Variants in KRR1 observed in about 807,000 individuals in gnomAD.
KRR1 encodes the protein KRR1 small subunit processome component, also known as KRR1 small subunit processome component homolog.
KRR1 carries 23 observed loss-of-function variants against 50.0 expected under a neutral mutation model. That is an observed-to-expected ratio of 0.46 (90% CI 0.33 to 0.65). KRR1 has a LOEUF of 0.65. Ranked by LOEUF, KRR1 falls within the 30% of genes least tolerant of loss-of-function variation. The probability of loss-of-function intolerance (pLI) is 0.02; values close to 1 mark genes in which losing one functional copy is unlikely to be tolerated. For synonymous variants in KRR1, 133 were observed against 146.3 expected (o/e 0.91, Z 0.66); for missense variants, 419 against 442.4 (o/e 0.95, Z 0.47).
chr12:75,502,862 C>CA (rs2046404140), intron 7 of KRR1: 1 of 152,002 alleles, frequency 6.6e-6, no homozygotes, highest in Non-Finnish European at 1.5e-5. Context: ...ATGACTGCAT[C>CA]ACTCCACTTT....
chr12:75,501,674 G>C, intron 9 of KRR1, 49 bp downstream of exon 9: 1 of 1,214,938 alleles, frequency 8.2e-7, no homozygotes. Context: ...TTTATTATGG[G>C]TTTACTTTTC....
At position 75,498,188 on chromosome 12, in the gene KRR1, T is replaced by C. The variant is rs1271685261; in HGVS notation, c.*1621A>G. The C allele has an allele frequency of 2.0e-5, 3 of 152,272 alleles. No homozygotes were observed. Among genetic ancestry groups the C allele is most frequent in the Non-Finnish European group, 4.4e-5 (3 of 68,162 alleles). 9.4% of individuals were successfully genotyped at this position (152,272 alleles called of 1,614,324 possible). A position where few individuals can be genotyped will look rare whatever the true frequency, so the allele number is the denominator to read the frequency against. ...TTCCCAGTGCTCTGATTGTCAAAAT[T>C]TGAATAAAGCTCAGTGAAAGGAGGA... On this transcript the variant is annotated 3_prime_UTR_variant, in exon 10 of 10. Coordinates refer to ENST00000229214, the MANE Select transcript of KRR1 (RefSeq NM_007043.7).
chr12:75,508,314 T>C lies in KRR1; in HGVS notation c.218A>G (p.Lys73Arg). The C allele has an allele frequency of 6.2e-7, 1 of 1,613,452 alleles. No individual in the cohort carries two copies. The highest frequency in any genetic ancestry group is 1.1e-5 in the South Asian group (1 of 91,030). ...TTTCTGCACCAATGGCCAACACTCT[T>C]TCAAGTAAGCTTCCCTGTATTTTGG... ...LFPKYREAYL[K>R]ECWPLVQKAL... The change falls in exon 2 of 10, where the codon AAA becomes AGA. Residue 73 changes from lysine to arginine, a missense_variant. Transcript: ENST00000229214.
Position 75,494,828 on chromosome 12 carries a change from G to A in KRR1, c.*4981C>T, listed in dbSNP as rs1594061040. The A allele has an allele frequency of 6.6e-6, 1 of 152,292 alleles. No individual in the cohort carries two copies. Among genetic ancestry groups the A allele is most frequent in the East Asian group, 1.9e-4 (1 of 5,178 alleles). 9.4% of individuals were successfully genotyped at this position (152,292 alleles called of 1,614,324 possible). A position where few individuals can be genotyped will look rare whatever the true frequency, so the allele number is the denominator to read the frequency against. ...GATATTATTTCACTTTCTAGTCTGT[G>A]ACCTTGGTCAATTACTTATACTCTG... On this transcript the variant is annotated 3_prime_UTR_variant, in exon 10 of 10. Coordinates refer to ENST00000229214, the MANE Select transcript of KRR1 (RefSeq NM_007043.7).
chr12:75,503,807 AT>A, intron 7 of KRR1, 96 bp downstream of exon 7: 1 of 1,066,372 alleles, frequency 9.4e-7, no homozygotes, highest in Non-Finnish European at 1.4e-6. Flanking sequence ...ATATATATAT[AT>A]ACACATATCC....
At position 75,499,849 on chromosome 12, in the gene KRR1, T is replaced by C. The variant is rs1201385452; in HGVS notation, c.1106A>G (p.Lys369Arg). Residue 369 changes from lysine (K) to arginine (R), a missense_variant, in exon 10 of 10, where the codon AAG becomes AGG. Physicochemically the swap from Lys to Arg is conservative, Grantham distance 26. Coordinates refer to ENST00000229214, the MANE Select transcript of KRR1 (RefSeq NM_007043.7). ...CTTTTTCTTTTCATCTGCCTCCATC[T>C]TAAGTGCAATTTCTTCAGCTGTAAG... ...GALTAEEIAL[K>R]MEADEKKKKK... 2.5e-6 allele frequency: 4 copies of C among 1,607,904 alleles called. No individual in the cohort carries two copies. Among genetic ancestry groups the C allele is most frequent in the Non-Finnish European group, 2.5e-6 (3 of 1,177,580 alleles).
chr12:75,508,483 CTG>C, intron 1 of KRR1, 37 bp from the exon 2 acceptor site: 3 of 1,518,434 alleles, frequency 2.0e-6, no homozygotes, highest in Non-Finnish European at 2.7e-6. Context: ...CACATTTTAA[CTG>C]TCTTTTGGAC....
chr12:75,502,485 C>A (rs1197908999), intron 7 of KRR1: 1 of 153,430 alleles, frequency 6.5e-6, no homozygotes, highest in Non-Finnish European at 1.5e-5. Context: ...GACTAATTAG[C>A]AAAAGCAACA....
In KRR1 at chr12:75,498,031, C is replaced by G. The variant is rs1204701180; in HGVS notation, c.*1778G>C. ...AAGACCAGGGATGCTCACCAGTACC[C>G]AGAGGACCAGATGATTGATGGGTTC... On this transcript the variant is annotated 3_prime_UTR_variant, in exon 10 of 10. Coordinates refer to ENST00000229214, the MANE Select transcript of KRR1 (RefSeq NM_007043.7). 1 of 152,222 alleles carries G rather than the reference C, an allele frequency of 6.6e-6. No homozygotes were observed. Among genetic ancestry groups the G allele is most frequent in the Non-Finnish European group, 1.5e-5 (1 of 68,082 alleles). The allele number at this position is 152,222 out of a possible 1,614,324, so 9.4% of individuals were successfully genotyped here.
chr12:75,505,495 A>T (rs998201962), intron 5 of KRR1, among the ~76,000 whole-genome samples: 1 of 151,878 alleles, frequency 6.6e-6, no homozygotes, highest in Non-Finnish European at 1.5e-5. Context: ...CTAATACAAC[A>T]CTCTAAAGCA....
rs1303182686 is a variant in KRR1, at chr12:75,491,703, T to C, written c.*8106A>G. The stretch of plus-strand genomic sequence containing the variant: ...TTGCATCTCTGTGATTACTAGTAAT[T>C]ATAAATTTCTTCACATAATTGTCTA... On this transcript the variant is annotated 3_prime_UTR_variant, in exon 10 of 10. Coordinates refer to ENST00000229214, the MANE Select transcript of KRR1 (RefSeq NM_007043.7). The C allele has an allele frequency of 1.3e-5, 2 of 152,218 alleles. No individual in the cohort carries two copies. The highest frequency in any genetic ancestry group is 2.9e-5 in the Non-Finnish European group (2 of 68,040). 9.4% of individuals were successfully genotyped at this position (152,218 alleles called of 1,614,324 possible).
chr12:75,508,875 G>A (rs2046434304), intron 1 of KRR1, among the ~76,000 whole-genome samples: 1 of 152,178 alleles, frequency 6.6e-6, no homozygotes, highest in Non-Finnish European at 1.5e-5. Flanking sequence ...GAATCTGGAT[G>A]TATGTGTTTG....
rs199735826 is a variant in KRR1 at position 75,506,306 on chromosome 12, T to A, written c.603+10A>T. The A allele has an allele frequency of 5.2e-5, 80 of 1,541,134 alleles. 1 individual carries two copies. The South Asian group carries it at 8.3e-4, about 16-fold the overall frequency. On this transcript the variant is annotated intron_variant, in intron 5 of 9. Transcript: ENST00000229214. ...CTGAAAATGAATCGAAGATAATACATAGTTCTCACCTCTTTTAAGCCACTA... is the reference window on the plus strand; with the variant it reads ...CTGAAAATGAATCGAAGATAATACAAAGTTCTCACCTCTTTTAAGCCACTA...
At chr12:75,508,614 T>C (rs974018918) in intron 1 of KRR1, among the ~76,000 whole-genome samples, 168 bp from the exon 2 acceptor site, 1 of 152,164 alleles carries the variant, frequency 6.6e-6, no homozygotes, top group Admixed American at 6.5e-5. Flanking sequence ...TATTCAAGAG[T>C]CAAAGAACGT....
Position 75,511,593 on chromosome 12 carries a change from G to A in KRR1, c.5C>T (p.Ala2Val), listed in dbSNP as rs980660589. 3.1e-6 allele frequency: 5 copies of A among 1,613,744 alleles called. No individual in the cohort carries two copies. Among genetic ancestry groups the A allele is most frequent in the Non-Finnish European group, 4.2e-6 (5 of 1,179,838 alleles). M[A>V]SPSLERPEKG... Reference sequence around the variant, plus strand: ...TTCTGGCCGCTCCAGCGAGGGAGACGCCATTTGCAAGCTGCTTCCGGTGGC... The same window carrying A: ...TTCTGGCCGCTCCAGCGAGGGAGACACCATTTGCAAGCTGCTTCCGGTGGC... Residue 2 changes from alanine (A) to valine (V), a missense_variant, in exon 1 of 10, where the codon GCG (alanine) becomes GTG (valine). Ala to Val is a moderately conservative substitution (Grantham distance 64). Coordinates refer to ENST00000229214, the MANE Select transcript of KRR1 (RefSeq NM_007043.7).
In KRR1 at chr12:75,496,763, C is replaced by A. The variant is rs563369597; in HGVS notation, c.*3046G>T. Reference sequence around the variant, plus strand: ...GTTTGGAAAAAAGTGTTCCATTGCTCATGTTTTATAAGGTCCCTTGCAGGC... The same window carrying A: ...GTTTGGAAAAAAGTGTTCCATTGCTAATGTTTTATAAGGTCCCTTGCAGGC... On this transcript the variant is annotated 3_prime_UTR_variant, in exon 10 of 10. Transcript: ENST00000229214. 5.4e-4 allele frequency: 83 copies of A among 152,302 alleles called. No individual in the cohort carries two copies. Among genetic ancestry groups the A allele is most frequent in the African/African-American group, 1.9e-3 (80 of 41,576 alleles). The allele number at this position is 152,302 out of a possible 1,614,324, so 9.4% of individuals were successfully genotyped here. A position where few individuals can be genotyped will look rare whatever the true frequency, so the allele number is the denominator to read the frequency against.
At chr12:75,503,448 A>G (rs965622115) in intron 7 of KRR1, 4 of 152,490 alleles carry the variant, frequency 2.6e-5, no homozygotes, top group African/African-American at 9.7e-5. Flanking sequence ...TGCAAGAACA[A>G]AATGGAAACT....
In KRR1 at chr12:75,498,963, A is replaced by AG; in HGVS notation, c.*845dup. 6.3e-7 allele frequency: 1 copy of AG among 1,597,532 alleles called. No individual in the cohort carries two copies. The highest frequency in any genetic ancestry group is 8.5e-7 in the Non-Finnish European group (1 of 1,173,488). ...TGGTACAGCACAAGTACCCTAATTT[A>AG]GTTCTTTTGGACTAATACAATTCAG... On this transcript the variant is annotated 3_prime_UTR_variant, in exon 10 of 10. Coordinates refer to ENST00000229214, the MANE Select transcript of KRR1 (RefSeq NM_007043.7).
chr12:75,505,348 AAATTAAATAATGT>A, intron 5 of KRR1, 94 bp from the exon 6 acceptor site: 1 of 1,204,300 alleles, frequency 8.3e-7, no homozygotes, highest in East Asian at 2.6e-5. Context: ...AATGGGTACC[AAATTAAATAATGT>A]AATTAAATAA....
Sources: allele counts gnomAD v4.1 joint callset (sites outside exome capture counted in the v4.1 genomes callset), GRCh38; gene constraint gnomAD v4.1.1; transcripts MANE v1.5; gene names NCBI Gene and HGNC (gene_info 2026-07-23, HGNC 2026-07-21).